The following APBB2 variants were observed in gnomAD, a reference collection of about 807,000 sequenced individuals.
APBB2 encodes the protein amyloid beta precursor protein binding family B member 2.
APBB2 carries 38 observed loss-of-function variants against 82.5 expected under a neutral mutation model. The ratio of observed to expected loss-of-function variants is 0.46; its 90% CI spans 0.36 to 0.60. The LOEUF (loss-of-function observed/expected upper bound fraction) is 0.60. Among genes scored for constraint, APBB2 ranks in the 20% least tolerant of loss-of-function variants. The pLI, the probability that APBB2 is intolerant of heterozygous loss-of-function variation, is 0.00. For missense variants in APBB2, 772 were observed against 972.3 expected, an observed-to-expected ratio of 0.79 and a Z score of 2.74; for synonymous variants, 341 against 368.2, an observed-to-expected ratio of 0.93 and a Z score of 0.85.
chr4:41,046,329 T>C (rs1000824773), intron 4 of APBB2, among the ~76,000 whole-genome samples: 9 of 152,246 alleles, frequency 5.9e-5, no homozygotes, highest in African/African-American at 2.2e-4. Context: ...AATCCTGTTG[T>C]GATAGTTTGG....
At chr4:41,047,741 A>G (rs2154455865) in intron 4 of APBB2, among the ~76,000 whole-genome samples, 1 of 152,328 alleles carries the variant, frequency 6.6e-6, no homozygotes, top group East Asian at 1.9e-4. Flanking sequence ...AGGAAGTAGA[A>G]AGTGGGATGA....
chr4:41,042,225 A>G (rs1721792586), intron 4 of APBB2, among the ~76,000 whole-genome samples: 1 of 152,028 alleles, frequency 6.6e-6, no homozygotes, highest in South Asian at 2.1e-4. Context: ...TCCTGATCTC[A>G]TGATCTGCCT....
intron 6 of APBB2, among the ~76,000 whole-genome samples, chr4:41,007,756 A>G (rs1362993300): frequency 6.6e-6 from 1 of 152,194 alleles, no homozygotes; most frequent in Non-Finnish European, 1.5e-5. Flanking sequence ...TATCCATCCA[A>G]CCAGCAAATG....
intron 10 of APBB2, among the ~76,000 whole-genome samples, chr4:40,898,668 T>C (rs1413260564): frequency 6.6e-6 from 1 of 152,118 alleles, no homozygotes; most frequent in Non-Finnish European, 1.5e-5. Flanking sequence ...GGAGATGTAC[T>C]GTAGACCACG....
In APBB2 at chr4:41,127,450, T is replaced by C. The variant is rs903484786; in HGVS notation, c.-261+15537A>G. ...TGTGCCTTTTCATGTAGCCATTCACTTCTTGGCATGAAAGGTTGCCTACTG... is the reference window on the plus strand; with the variant it reads ...TGTGCCTTTTCATGTAGCCATTCACCTCTTGGCATGAAAGGTTGCCTACTG... On this transcript the variant is annotated intron_variant, in intron 2 of 17. Transcript: ENST00000508593. This position sits in a 1 kb window ranked among gnomAD's most constrained non-coding sequence, Gnocchi z 4.8. Among the ~76,000 whole-genome samples, 7 of 152,228 alleles carry C rather than the reference T, an allele frequency of 4.6e-5. No individual in the cohort carries two copies. The highest frequency in any genetic ancestry group is 1.0e-4 in the Non-Finnish European group (7 of 68,040).
intron 7 of APBB2, among the ~76,000 whole-genome samples, chr4:40,936,604 C>T (rs550233431): frequency 2.2e-4 from 33 of 152,318 alleles, no homozygotes; most frequent in Admixed American, 2.2e-3. Context: ...AGCAAAGACA[C>T]TTCAAATTTA....
chr4:40,994,286 A>G (rs1216990963), intron 6 of APBB2, among the ~76,000 whole-genome samples: 1 of 13,192 alleles, frequency 7.6e-5, no homozygotes, highest in Non-Finnish European at 2.7e-4. Flanking sequence ...GACTCATCTC[A>G]AAAAAAAAAA....
At chr4:40,840,114 A>G (rs78441639) in intron 12 of APBB2, among the ~76,000 whole-genome samples, 9,161 of 152,314 alleles carry the variant, frequency 0.06, 374 homozygotes, top group East Asian at 0.097. Context: ...AGGATAAGAC[A>G]GCAGCAAACG....
chr4:41,193,713 G>A, intron 1 of APBB2: 12 of 234,882 alleles, frequency 5.1e-5, no homozygotes, highest in Non-Finnish European at 7.0e-5. Context: ...AAAAACACAG[G>A]ATAGCCCTAG....
At chr4:40,841,456 CAGAGCATTGG>C (rs1443252823) in intron 12 of APBB2, among the ~76,000 whole-genome samples, 2 of 152,124 alleles carry the variant, frequency 1.3e-5, no homozygotes, top group Non-Finnish European at 2.9e-5. Context: ...GGCGGACATG[CAGAGCATTGG>C]AAAAACACAA....
At chr4:41,085,325 T>C (rs1037855426) in intron 3 of APBB2, among the ~76,000 whole-genome samples, 7 of 149,134 alleles carry the variant, frequency 4.7e-5, no homozygotes, top group Non-Finnish European at 8.9e-5. Flanking sequence ...TGAATTACAA[T>C]AACATCAAAA....
At chr4:41,088,772 C>T (rs1024578244) in intron 3 of APBB2, among the ~76,000 whole-genome samples, 4 of 152,140 alleles carry the variant, frequency 2.6e-5, no homozygotes, top group African/African-American at 9.7e-5. Context: ...GTCATAAACT[C>T]AACTTCTATC....
intron 10 of APBB2, among the ~76,000 whole-genome samples, chr4:40,923,263 C>A (rs564173809): frequency 6.6e-6 from 1 of 152,240 alleles, no homozygotes; most frequent in Non-Finnish European, 1.5e-5. Context: ...GCGTGAGCCA[C>A]GGTCGTGCCC....
intron 10 of APBB2, among the ~76,000 whole-genome samples, chr4:40,917,127 A>G (rs1780047115): frequency 6.6e-6 from 1 of 152,088 alleles, no homozygotes; most frequent in Non-Finnish European, 1.5e-5. Flanking sequence ...TTCTGAATGG[A>G]CCTGGGGTGG....
At chr4:40,860,587 C>G (rs113203575) in intron 12 of APBB2, among the ~76,000 whole-genome samples, 3,492 of 152,252 alleles carry the variant, frequency 0.023, 64 homozygotes, top group East Asian at 0.042. Flanking sequence ...TGTGACAAAC[C>G]ACAACCATGA....
chr4:40,827,818 CT>C (rs1182005465), intron 13 of APBB2, among the ~76,000 whole-genome samples: 1 of 152,174 alleles, frequency 6.6e-6, no homozygotes, highest in East Asian at 1.9e-4. Flanking sequence ...GAAATGTCCC[CT>C]GCTGACATGC....
chr4:41,147,747 T>A (rs917766553), intron 1 of APBB2, among the ~76,000 whole-genome samples: 1 of 151,918 alleles, frequency 6.6e-6, no homozygotes, highest in Non-Finnish European at 1.5e-5. Context: ...ACTCAGACTT[T>A]TTTGTTTTTA....
chr4:40,919,238 T>G (rs1780650195), intron 10 of APBB2, among the ~76,000 whole-genome samples: 1 of 152,224 alleles, frequency 6.6e-6, no homozygotes, highest in Non-Finnish European at 1.5e-5. Context: ...GCACATGCAC[T>G]TACTAAATAT....
intron 3 of APBB2, among the ~76,000 whole-genome samples, chr4:41,069,497 T>C (rs1385473328): frequency 1.3e-5 from 2 of 152,226 alleles, no homozygotes; most frequent in Non-Finnish European, 2.9e-5. Flanking sequence ...CTGCGGTTTG[T>C]CTATTCTGTT....
Sources: gnomAD v4.1 joint callset for allele counts (sites outside exome capture counted in the v4.1 genomes callset) on GRCh38, gnomAD v4.1.1 for gene constraint, Gnocchi (gnomAD v3.1) non-coding constraint, MANE v1.5 for transcripts, NCBI Gene and HGNC (gene_info 2026-07-23, HGNC 2026-07-21) for gene names.